GNAL: variants seen among roughly 807,000 people sequenced by gnomAD.
GNAL encodes G protein subunit alpha L.
Under a neutral mutation model 55.1 loss-of-function variants are expected in GNAL, and 18 were observed. That is an observed-to-expected ratio of 0.33 (90% CI 0.23 to 0.48). GNAL has a LOEUF of 0.48. GNAL is among the 20% of genes least tolerant of loss of function. GNAL has a pLI of 0.99. For missense variants in GNAL, 412 were observed against 614.1 expected (o/e 0.67, Z 3.48); for synonymous variants, 253 against 237.0 (o/e 1.07, Z -0.62).
At chr18:11,711,398 CT>C (rs538267992) in intron 1 of GNAL, among the ~76,000 whole-genome samples, 1,663 of 149,350 alleles carry the variant, frequency 0.011, 14 homozygotes, top group Non-Finnish European at 0.015. Flanking sequence ...ATTTTTCATT[CT>C]TTTTTTTTTC....
intron 4 of GNAL, among the ~76,000 whole-genome samples, chr18:11,768,516 G>C (rs145080678): frequency 6.6e-6 from 1 of 151,784 alleles, no homozygotes; most frequent in Non-Finnish European, 1.5e-5. Flanking sequence ...CAGGAGAATC[G>C]CTTGAACCCA....
intron 5 of GNAL, chr18:11,851,964 G>T (rs551779348): frequency 6.2e-7 from 1 of 1,613,922 alleles, no homozygotes; most frequent in South Asian, 1.1e-5. Flanking sequence ...AAGTGGATAT[G>T]CTGCTCCAGG....
intron 1 of GNAL, among the ~76,000 whole-genome samples, chr18:11,691,425 A>T (rs1249147672): frequency 6.7e-6 from 1 of 150,346 alleles, no homozygotes; most frequent in East Asian, 1.9e-4. Context: ...GTTTACTCTG[A>T]TGGTAGTTTC....
At chr18:11,811,548 C>A (rs988242201) in intron 4 of GNAL, 9 of 152,202 alleles carry the variant, frequency 5.9e-5, no homozygotes, top group African/African-American at 2.2e-4. Flanking sequence ...ATTCGAACCC[C>A]AGCACTCAGA....
chr18:11,719,818 C>T (rs908722038), intron 1 of GNAL, among the ~76,000 whole-genome samples: 2 of 151,512 alleles, frequency 1.3e-5, no homozygotes, highest in Non-Finnish European at 2.9e-5. Context: ...CTGCAGCGGC[C>T]GTGGACGGTG....
chr18:11,733,985 TG>T (rs1319515347), intron 1 of GNAL, among the ~76,000 whole-genome samples: 1 of 151,918 alleles, frequency 6.6e-6, no homozygotes, highest in Non-Finnish European at 1.5e-5. Context: ...ATTTCTCTCC[TG>T]GAGGAGGCCC....
chr18:11,774,555 G>A (rs1397175663), intron 4 of GNAL, among the ~76,000 whole-genome samples: 2 of 152,174 alleles, frequency 1.3e-5, no homozygotes, highest in African/African-American at 4.8e-5. Flanking sequence ...ACTGCCCTAA[G>A]CTGTATAACT....
intron 5 of GNAL, among the ~76,000 whole-genome samples, chr18:11,826,617 G>C (rs1000517526): frequency 2.6e-5 from 4 of 152,190 alleles, no homozygotes; most frequent in African/African-American, 9.6e-5. Context: ...GGGTAGCCAT[G>C]CAGGTGAGTG....
chr18:11,789,194 C>G, intron 4 of GNAL, among the ~76,000 whole-genome samples: 1 of 152,150 alleles, frequency 6.6e-6, no homozygotes, highest in South Asian at 2.1e-4. Flanking sequence ...CAATCACTGT[C>G]CTAAGTAACA....
chr18:11,760,938 C>G (rs573553431), intron 4 of GNAL, among the ~76,000 whole-genome samples: 1 of 152,290 alleles, frequency 6.6e-6, no homozygotes, highest in Admixed American at 6.5e-5. Context: ...CTTCCTGTGG[C>G]TGATGTGAGG....
intron 5 of GNAL, among the ~76,000 whole-genome samples, chr18:11,830,796 G>T (rs556747126): frequency 1.3e-5 from 2 of 152,308 alleles, no homozygotes; most frequent in African/African-American, 4.8e-5. Context: ...ACTCGGCAAT[G>T]AAAAGGAATA....
intron 4 of GNAL, among the ~76,000 whole-genome samples, chr18:11,771,215 TAAA>T (rs539820206): frequency 3.1e-5 from 4 of 128,730 alleles, no homozygotes; most frequent in Non-Finnish European, 3.3e-5. Flanking sequence ...TGAAACTCTG[TAAA>T]AAAAAAAAAA....
At chr18:11,841,405 G>A (rs145072881) in intron 5 of GNAL, among the ~76,000 whole-genome samples, 1,526 of 152,056 alleles carry the variant, frequency 0.01, 32 homozygotes, top group African/African-American at 0.035. Flanking sequence ...CAGCACTTTC[G>A]GAGGCCAAGT....
chr18:11,837,644 G>A (rs2035525366), intron 5 of GNAL, among the ~76,000 whole-genome samples: 1 of 152,132 alleles, frequency 6.6e-6, no homozygotes, highest in Non-Finnish European at 1.5e-5. Flanking sequence ...GAAGAAATTG[G>A]GATCCTCATA....
intron 9 of GNAL, among the ~76,000 whole-genome samples, chr18:11,869,788 A>G (rs901382697): frequency 2.6e-5 from 4 of 152,178 alleles, no homozygotes; most frequent in South Asian, 4.2e-4. Context: ...GCGCGCTTGT[A>G]GTCCCAGCTA....
chr18:11,884,992 A>T lies in GNAL; in HGVS notation c.*3857A>T. Reference sequence around the variant, plus strand: ...CAGGGTCATCGGTCAGCGAGGAACAAGGAGGGAAAGGTGTCTTCCTGCCCC... The same window carrying T: ...CAGGGTCATCGGTCAGCGAGGAACATGGAGGGAAAGGTGTCTTCCTGCCCC... On this transcript the variant is annotated 3_prime_UTR_variant, in exon 12 of 12. Coordinates refer to ENST00000334049, the MANE Select transcript of GNAL (RefSeq NM_182978.4). 1 of 1,302,368 alleles carries T rather than the reference A, an allele frequency of 7.7e-7. No individual in the cohort carries two copies. 80.7% of individuals were successfully genotyped at this position (1,302,368 alleles called of 1,614,324 possible). A position where few individuals can be genotyped will look rare whatever the true frequency, so the allele number is the denominator to read the frequency against.
Position 11,882,841 on chromosome 18 carries a change from G to GACTT in GNAL, c.*1709_*1712dup, listed in dbSNP as rs781399043. The GACTT allele has an allele frequency of 7.9e-5, 12 of 152,122 alleles. No individual in the cohort carries two copies. The highest frequency in any genetic ancestry group is 2.9e-4 in the African/African-American group (12 of 41,414). 9.4% of individuals were successfully genotyped at this position (152,122 alleles called of 1,614,324 possible). A position where few individuals can be genotyped will look rare whatever the true frequency, so the allele number is the denominator to read the frequency against. On this transcript the variant is annotated 3_prime_UTR_variant, in exon 12 of 12. Coordinates refer to ENST00000334049, the MANE Select transcript of GNAL (RefSeq NM_182978.4). ...ATACGGCTCTTTCTCACACTTGCAA[G>GACTT]ACTTACAAATACAGCCTCAAACATT...
rs78237075 is a variant in GNAL at position 11,788,316 on chromosome 18, G to A, written c.624+34371G>A. On this transcript the variant is annotated intron_variant, in intron 4 of 11. Transcript: ENST00000334049. Reference sequence around the variant, plus strand: ...CACCAGGAGGTGTGGCAGTCACAACGCAACACCTAGTGTGGCTCTCAAGGC... The same window carrying A: ...CACCAGGAGGTGTGGCAGTCACAACACAACACCTAGTGTGGCTCTCAAGGC... 5.0e-3 allele frequency among the ~76,000 whole-genome samples: 759 copies of A among 152,258 alleles called. 3 individuals are homozygous for A. Among genetic ancestry groups the A allele is most frequent in the Middle Eastern group, 0.014 (4 of 294 alleles).
At chr18:11,851,030 G>A (rs923144890) in intron 5 of GNAL, among the ~76,000 whole-genome samples, 3 of 152,190 alleles carry the variant, frequency 2.0e-5, no homozygotes, top group Non-Finnish European at 4.4e-5. Context: ...CCTAGCTGAT[G>A]TTTGGCTGGT....
Sources: gnomAD v4.1 joint callset for allele counts (sites outside exome capture counted in the v4.1 genomes callset) on GRCh38, gnomAD v4.1.1 for gene constraint, MANE v1.5 for transcripts, NCBI Gene and HGNC (gene_info 2026-07-23, HGNC 2026-07-21) for gene names.